ACSF2: variants seen among roughly 807,000 people sequenced by gnomAD.
ACSF2 encodes acyl-CoA synthetase family member 2.
Under a neutral mutation model 79.3 loss-of-function variants are expected in ACSF2, and 52 were observed. The ratio of observed to expected loss-of-function variants is 0.66; its 90% CI spans 0.53 to 0.83. The LOEUF is 0.83. Among genes scored for constraint, ACSF2 ranks in the 40% least tolerant of loss-of-function variants. ACSF2 has a pLI of 0.00. For missense variants in ACSF2, 661 were observed against 803.3 expected, an observed-to-expected ratio of 0.82 and a Z score of 2.14; for synonymous variants, 283 against 312.6, an observed-to-expected ratio of 0.91 and a Z score of 1.00.
intron 10 of ACSF2, among the ~76,000 whole-genome samples, chr17:50,466,295 T>C (rs2032720033): frequency 6.6e-6 from 1 of 152,102 alleles, no homozygotes; most frequent in East Asian, 1.9e-4. Context: ...TTCACCATGT[T>C]AGCCAGGATG....
At chr17:50,473,441 T>A in intron 12 of ACSF2, 1 of 572,988 alleles carries the variant, frequency 1.7e-6, no homozygotes, top group Non-Finnish European at 3.1e-6. Context: ...TATAGATGTG[T>A]TGAGAGAGAC....
At position 50,426,312 on chromosome 17, in the gene ACSF2, C is replaced by T. The variant is rs1914969283; in HGVS notation, c.51C>T (p.Ser17=). 2 of 1,415,088 alleles carry T rather than the reference C, an allele frequency of 1.4e-6. No homozygotes were observed. Among genetic ancestry groups the T allele is most frequent in the Non-Finnish European group, 9.3e-7 (1 of 1,078,556 alleles). The allele number at this position is 1,415,088 out of a possible 1,614,324, so 87.7% of individuals were successfully genotyped here. Residue 17 remains serine (S), a synonymous_variant, in exon 1 of 16, where the codon AGC becomes AGT. Transcript: ENST00000300441. ...GCCTGGGGAGGCTGTGCGCCGGGAGCTCGGGGGTGCTGGGGGCCCGGGCCG... is the reference window on the plus strand; with the variant it reads ...GCCTGGGGAGGCTGTGCGCCGGGAGTTCGGGGGTGCTGGGGGCCCGGGCCG... ...MLRLGRLCAG[S]SGVLGARAAL...
In ACSF2 at chr17:50,474,793, G is replaced by C. The variant is rs7627; in HGVS notation, c.*241G>C. 0.22 allele frequency: 115,499 copies of C among 535,612 alleles called. 14,243 individuals are homozygous for C. Among genetic ancestry groups the C allele is most frequent in the African/African-American group, 0.39 (20,518 of 52,014 alleles). The allele number at this position is 535,612 out of a possible 1,614,324, so 33.2% of individuals were successfully genotyped here. On this transcript the variant is annotated 3_prime_UTR_variant, in exon 16 of 16. Transcript: ENST00000300441. This position sits in a 1 kb window ranked among gnomAD's most constrained non-coding sequence, Gnocchi z 4.2. ...TCCTGTCCATCCCCCACATTCCCCT[G>C]TCTGTCCTTGTGATTTGGCATAAAG...
intron 1 of ACSF2, among the ~76,000 whole-genome samples, chr17:50,433,184 G>A (rs1259940168): frequency 6.7e-6 from 1 of 149,340 alleles, no homozygotes; most frequent in Non-Finnish European, 1.5e-5. Flanking sequence ...TGGGCTCACT[G>A]TAACCTCCGC....
chr17:50,441,541 G>A (rs906267349), intron 1 of ACSF2, among the ~76,000 whole-genome samples: 1 of 152,190 alleles, frequency 6.6e-6, no homozygotes, highest in African/African-American at 2.4e-5. Context: ...GGTCTTGGAA[G>A]CCAGGCAGTC....
chr17:50,458,754 G>A (rs919764539), intron 1 of ACSF2, among the ~76,000 whole-genome samples: 15 of 152,222 alleles, frequency 9.9e-5, no homozygotes, highest in African/African-American at 1.4e-4. Flanking sequence ...TAAGTACTCC[G>A]TAGGGCTGAG....
In ACSF2 at chr17:50,471,288, C is replaced by G. The variant is rs750285923; in HGVS notation, c.1323+153C>G. 2.5e-5 allele frequency: 16 copies of G among 634,214 alleles called. No individual in the cohort carries two copies. The highest frequency in any genetic ancestry group is 4.2e-5 in the Non-Finnish European group (15 of 355,794). 39.3% of individuals were successfully genotyped at this position (634,214 alleles called of 1,614,324 possible). On this transcript the variant is annotated intron_variant, in intron 11 of 15. Coordinates refer to ENST00000300441, the MANE Select transcript of ACSF2 (RefSeq NM_025149.6). This position sits in a 1 kb window ranked among gnomAD's most constrained non-coding sequence, Gnocchi z 4.1. Reference sequence around the variant, plus strand: ...CAGCAGGGGTGTGCTAGGCCTGGCCCGGAGTGTTCTCTGTGGGCTAAGCAT... The same window carrying G: ...CAGCAGGGGTGTGCTAGGCCTGGCCGGGAGTGTTCTCTGTGGGCTAAGCAT...
At position 50,433,327 on chromosome 17, in the gene ACSF2, A is replaced by G. The variant is rs199644859; in HGVS notation, c.128+6938A>G. On this transcript the variant is annotated intron_variant, in intron 1 of 15. Coordinates refer to ENST00000300441, the MANE Select transcript of ACSF2 (RefSeq NM_025149.6). ...TCACTATGTTGGCCAGGCTGGTCTC[A>G]AACTCCTGACCTCGTGATCCGCCTG... Among the ~76,000 whole-genome samples the G allele has an allele frequency of 2.0e-5, 3 of 152,054 alleles. No homozygotes were observed. The South Asian group carries it at 6.2e-4, about 32-fold the overall frequency.
intron 1 of ACSF2, among the ~76,000 whole-genome samples, chr17:50,448,265 G>C (rs768573729): frequency 6.6e-6 from 1 of 152,196 alleles, no homozygotes; most frequent in Non-Finnish European, 1.5e-5. Flanking sequence ...TCTAAACGTA[G>C]AAAAGGTATA....
intron 1 of ACSF2, chr17:50,426,899 C>T: frequency 6.5e-7 from 1 of 1,535,730 alleles, no homozygotes; most frequent in Non-Finnish European, 8.7e-7. Context: ...TTCCTTCTGT[C>T]CTCAGTGCAA....
intron 1 of ACSF2, among the ~76,000 whole-genome samples, chr17:50,458,108 G>C (rs894176763): frequency 6.6e-6 from 1 of 152,160 alleles, no homozygotes; most frequent in African/African-American, 2.4e-5. Context: ...TGGTTGAGAA[G>C]GTTCCTTCTG....
chr17:50,449,772 T>C (rs115197394), intron 1 of ACSF2, among the ~76,000 whole-genome samples: 367 of 152,308 alleles, frequency 2.4e-3, no homozygotes, highest in African/African-American at 8.4e-3. Flanking sequence ...ACATACAATT[T>C]ACCATCTTAA....
At chr17:50,444,175 C>CTA (rs764853663) in intron 1 of ACSF2, among the ~76,000 whole-genome samples, 12 of 152,070 alleles carry the variant, frequency 7.9e-5, no homozygotes, top group Non-Finnish European at 1.6e-4. Flanking sequence ...TATTTTATAT[C>CTA]TATATATAAT....
intron 10 of ACSF2, chr17:50,468,104 T>C (rs765251949): frequency 1.9e-6 from 3 of 1,613,706 alleles, no homozygotes; most frequent in Admixed American, 1.7e-5. Context: ...CTGGAAGGCA[T>C]TGTCCGGGAT....
In ACSF2 at chr17:50,464,213, T is replaced by A. The variant is rs2032535597; in HGVS notation, c.1139-5T>A. The A allele has an allele frequency of 1.9e-6, 3 of 1,613,992 alleles. No individual in the cohort carries two copies. The South Asian group carries it at 3.3e-5, about 18-fold the overall frequency. On this transcript the variant is annotated splice_region_variant and splice_polypyrimidine_tract_variant and intron_variant, in intron 9 of 15. Coordinates refer to ENST00000300441, the MANE Select transcript of ACSF2 (RefSeq NM_025149.6). ...GGAGCTGTGTCAGCCCTCTCTCTGA[T>A]TCAGGTGTCATTGCTGGGTCCCCTG...
chr17:50,470,069 A>T (rs180943740), intron 10 of ACSF2: 3 of 152,914 alleles, frequency 2.0e-5, no homozygotes, highest in African/African-American at 7.2e-5. Flanking sequence ...ACCAGAACCC[A>T]CATTGAACCA....
chr17:50,469,986 C>T (rs2143793911), intron 10 of ACSF2: 1 of 152,408 alleles, frequency 6.6e-6, no homozygotes, highest in East Asian at 1.9e-4. Context: ...GGCAGGGTCA[C>T]AGCTCTGGCC....
intron 12 of ACSF2, 124 bp downstream of exon 12, chr17:50,472,703 T>C: frequency 7.4e-6 from 9 of 1,222,342 alleles, no homozygotes; most frequent in Non-Finnish European, 9.9e-6. Context: ...CCTCACATGC[T>C]GGAGTCTTAA....
chr17:50,456,557 ACT>A (rs1325394438), intron 1 of ACSF2, among the ~76,000 whole-genome samples: 3 of 151,328 alleles, frequency 2.0e-5, no homozygotes, highest in Middle Eastern at 3.4e-3. Flanking sequence ...ACATGGAGAA[ACT>A]CTGTCTCTAC....
Sources: allele counts gnomAD v4.1 joint callset (sites outside exome capture counted in the v4.1 genomes callset), GRCh38; gene constraint gnomAD v4.1.1; non-coding constraint Gnocchi (gnomAD v3.1); transcripts MANE v1.5; gene names NCBI Gene and HGNC (gene_info 2026-07-23, HGNC 2026-07-21).